KLKB1: variants seen among roughly 807,000 people sequenced by gnomAD.
KLKB1 encodes plasma kallikrein.
KLKB1 carries 58 observed loss-of-function variants against 73.6 expected under a neutral mutation model. The ratio of observed to expected loss-of-function variants is 0.79; its 90% CI spans 0.64 to 0.98. The LOEUF is 0.98. Among genes scored for constraint, KLKB1 ranks in the 50% least tolerant of loss-of-function variants. The pLI, the probability that KLKB1 is intolerant of heterozygous loss-of-function variation, is 0.00. For synonymous variants in KLKB1, 280 were observed against 258.1 expected (o/e 1.08, Z -0.81); for missense variants, 737 against 763.8 (o/e 0.96, Z 0.41).
chr4:186,213,725 G>A (rs1736804902), intron 2 of KLKB1, among the ~76,000 whole-genome samples: 2 of 152,326 alleles, frequency 1.3e-5, no homozygotes, highest in South Asian at 4.1e-4. Context: ...GTCACAGACA[G>A]CTGGGGATAT....
Position 186,251,745 on chromosome 4 carries a change from C to T in KLKB1, c.1032-4C>T. On this transcript the variant is annotated splice_region_variant and splice_polypyrimidine_tract_variant and intron_variant, in intron 9 of 14. Transcript: ENST00000264690. Reference sequence around the variant, plus strand: ...TTACTCTTTCTACTGTTCATTTCATCTAGGTGTAAGTGTTTCTTAAGATTA... The same window carrying T: ...TTACTCTTTCTACTGTTCATTTCATTTAGGTGTAAGTGTTTCTTAAGATTA... 6.2e-7 allele frequency: 1 copy of T among 1,609,896 alleles called. No individual in the cohort carries two copies. Among genetic ancestry groups the T allele is most frequent in the Non-Finnish European group, 8.5e-7 (1 of 1,176,158 alleles).
Position 186,237,471 on chromosome 4 carries a change from C to T in KLKB1, c.488+531C>T, listed in dbSNP as rs143366256. ...CTTTTCCCCTGGCATGTAATTGTAC[C>T]GCATCTTCAAAGCCTGACATCCTCT... On this transcript the variant is annotated intron_variant, in intron 5 of 14. Coordinates refer to ENST00000264690, the MANE Select transcript of KLKB1 (RefSeq NM_000892.5). Among the ~76,000 whole-genome samples, 38 of 151,924 alleles carry T rather than the reference C, an allele frequency of 2.5e-4. No homozygotes were observed. In the East Asian group the frequency reaches 6.2e-3, roughly 25 times the overall value.
chr4:186,243,485 C>T (rs1382602024), intron 6 of KLKB1, among the ~76,000 whole-genome samples: 1 of 152,164 alleles, frequency 6.6e-6, no homozygotes, highest in Admixed American at 6.6e-5. Flanking sequence ...AGTTGGAATG[C>T]TCGCTGCTTT....
chr4:186,249,048 CTT>C (rs1270211158), intron 6 of KLKB1, among the ~76,000 whole-genome samples: 1 of 152,108 alleles, frequency 6.6e-6, no homozygotes, highest in Admixed American at 6.5e-5. Context: ...TGTATGAACT[CTT>C]TATATACTCT....
At chr4:186,237,335 G>T (rs1293965628) in intron 5 of KLKB1, among the ~76,000 whole-genome samples, 3 of 152,142 alleles carry the variant, frequency 2.0e-5, no homozygotes, top group Non-Finnish European at 4.4e-5. Flanking sequence ...CTGATCTTGT[G>T]ATCCACCCAC....
chr4:186,254,581 C>G lies in KLKB1; in HGVS notation c.1314-7C>G. 1.9e-6 allele frequency: 3 copies of G among 1,613,028 alleles called. No individual in the cohort carries two copies. Among genetic ancestry groups the G allele is most frequent in the Non-Finnish European group, 2.5e-6 (3 of 1,178,992 alleles). On this transcript the variant is annotated splice_polypyrimidine_tract_variant and splice_region_variant and intron_variant, in intron 11 of 14. Coordinates refer to ENST00000264690, the MANE Select transcript of KLKB1 (RefSeq NM_000892.5). ...GTTTCAAACAGGTATTTATTTTTCT[C>G]TCCTAGGCTTCCCCTGCAGGATGTT...
intron 6 of KLKB1, among the ~76,000 whole-genome samples, chr4:186,245,949 A>C (rs4253289): frequency 0.18 from 27,700 of 151,188 alleles, 3,147 homozygotes; most frequent in African/African-American, 0.31. Context: ...CGGGCCATGA[A>C]CTGGGCTGGG....
intron 7 of KLKB1, 100 bp downstream of exon 7, chr4:186,250,502 T>C: frequency 7.2e-7 from 1 of 1,387,654 alleles, no homozygotes; most frequent in East Asian, 2.3e-5. Context: ...CTTAAAAGTT[T>C]CGTTCATTTC....
Position 186,238,047 on chromosome 4 carries a change from G to C in KLKB1, c.489-209G>C, listed in dbSNP as rs4253349. 9.7e-3 allele frequency among the ~76,000 whole-genome samples: 1,478 copies of C among 152,142 alleles called. 25 individuals carry two copies. The highest frequency in any genetic ancestry group is 0.034 in the African/African-American group (1,409 of 41,478). ...TTATAGAATGAGGGTTTAGTGTCAC[G>C]GAGTCTCCTGCCTCATTCTCACCCT... On this transcript the variant is annotated intron_variant, in intron 5 of 14. Coordinates refer to ENST00000264690, the MANE Select transcript of KLKB1 (RefSeq NM_000892.5).
Position 186,250,313 on chromosome 4 carries a change from T to G in KLKB1, c.669T>G (p.Asp223Glu), listed in dbSNP as rs780194770. 4 of 1,614,010 alleles carry G rather than the reference T, an allele frequency of 2.5e-6. No individual in the cohort carries two copies. The African/African-American group carries it at 5.3e-5, about 22-fold the overall frequency. Residue 223 changes from aspartate (D) to glutamate (E), a missense_variant, in exon 7 of 15, where the codon GAT (aspartate) becomes GAG (glutamate). Coordinates refer to ENST00000264690, the MANE Select transcript of KLKB1 (RefSeq NM_000892.5). ...ATGTTGCCAGGGTTCTCACTCCAGATGCTTTTGTGTGTCGGACCATCTGCA... is the reference window on the plus strand; with the variant it reads ...ATGTTGCCAGGGTTCTCACTCCAGAGGCTTTTGTGTGTCGGACCATCTGCA... ...DVDVARVLTP[D>E]AFVCRTICTY...
At position 186,238,236 on chromosome 4, in the gene KLKB1, C is replaced by G. The variant is rs1261282180; in HGVS notation, c.489-20C>G. ...CCTCAAAGTGCAGAAAGCAAAGTAA[C>G]CTCTTTTCTTCCCATTCAGGAACAA... is the stretch of plus-strand genomic sequence containing the variant. On this transcript the variant is annotated intron_variant, in intron 5 of 14. Coordinates refer to ENST00000264690, the MANE Select transcript of KLKB1 (RefSeq NM_000892.5). 1 of 1,523,408 alleles carries G rather than the reference C, an allele frequency of 6.6e-7. No homozygotes were observed. Among genetic ancestry groups the G allele is most frequent in the Admixed American group, 1.7e-5 (1 of 59,884 alleles). The allele number at this position is 1,523,408 out of a possible 1,614,324, so 94.4% of individuals were successfully genotyped here. A position where few individuals can be genotyped will look rare whatever the true frequency, so the allele number is the denominator to read the frequency against.
chr4:186,257,777 G>GTGTGTC (rs1170547069), intron 14 of KLKB1, among the ~76,000 whole-genome samples: 7 of 148,148 alleles, frequency 4.7e-5, no homozygotes, highest in African/African-American at 1.7e-4. Context: ...GTGTGTGTGT[G>GTGTGTC]TGTCTGGCAA....
At chr4:186,248,595 ATTTTTT>A (rs138717531) in intron 6 of KLKB1, among the ~76,000 whole-genome samples, 1 of 114,920 alleles carries the variant, frequency 8.7e-6, no homozygotes, top group Non-Finnish European at 1.7e-5. Context: ...TTGTTTCTGG[ATTTTTT>A]TTTTTTTTTT....
chr4:186,245,823 GGTT>G (rs1738311690), intron 6 of KLKB1, among the ~76,000 whole-genome samples: 1 of 48,602 alleles, frequency 2.1e-5, no homozygotes, highest in Admixed American at 2.2e-4. Context: ...TTTGTTTTTT[GGTT>G]TTTTTTTTTT....
chr4:186,254,818 A>AT, intron 12 of KLKB1, 55 bp downstream of exon 12: 1 of 1,484,030 alleles, frequency 6.7e-7, no homozygotes, highest in Non-Finnish European at 9.4e-7. Flanking sequence ...TGATATTTTC[A>AT]TATCAGTTTG....
At chr4:186,254,885 G>A in intron 12 of KLKB1, 122 bp downstream of exon 12, 1 of 816,124 alleles carries the variant, frequency 1.2e-6, no homozygotes, top group Non-Finnish European at 2.0e-6. Context: ...GGAGTTGAGG[G>A]AAACGTGAGG....
rs202142549 is a variant in KLKB1 at position 186,236,790 on chromosome 4, G to A, written c.338G>A (p.Arg113Gln). ...QCGHQISACH[R>Q]DIYKGVDMRG... ...TATTTTTCTTGTACAGCTTGCCATC[G>A]AGACATTTATAAAGGAGTTGATATG... The change falls in exon 5 of 15, where the codon CGA (arginine) becomes CAA (glutamine). Residue 113 changes from arginine (R) to glutamine (Q), a missense_variant. By Grantham distance (43) the Arg-to-Gln change is conservative. Coordinates refer to ENST00000264690, the MANE Select transcript of KLKB1 (RefSeq NM_000892.5). 18 of 1,613,780 alleles carry A rather than the reference G, an allele frequency of 1.1e-5. No individual in the cohort carries two copies. Among genetic ancestry groups the A allele is most frequent in the African/African-American group, 4.0e-5 (3 of 74,850 alleles).
At chr4:186,236,700 C>A in intron 4 of KLKB1, 81 bp from the exon 5 acceptor site, 1 of 1,430,138 alleles carries the variant, frequency 7.0e-7, no homozygotes, top group Non-Finnish European at 9.8e-7. Flanking sequence ...TCTAAACTAC[C>A]AACCCAAATG....
intron 2 of KLKB1, among the ~76,000 whole-genome samples, chr4:186,230,452 C>T (rs1737339270): frequency 1.3e-5 from 2 of 151,978 alleles, no homozygotes; most frequent in African/African-American, 4.8e-5. Context: ...AATAATCTGC[C>T]CAAAGTCCAT....
Sources: allele counts gnomAD v4.1 joint callset (sites outside exome capture counted in the v4.1 genomes callset), GRCh38; gene constraint gnomAD v4.1.1; transcripts MANE v1.5; gene names NCBI Gene and HGNC (gene_info 2026-07-23, HGNC 2026-07-21).